The following ARHGAP42 variants were observed in gnomAD, a reference collection of about 807,000 sequenced individuals.
ARHGAP42 encodes Rho GTPase activating protein 42.
ARHGAP42 carries 63 observed loss-of-function variants against 125.0 expected under a neutral mutation model. The ratio of observed to expected loss-of-function variants is 0.50; its 90% confidence interval spans 0.41 to 0.62. The LOEUF is 0.62. ARHGAP42 is among the 20% of genes least tolerant of loss of function. ARHGAP42 has a pLI of 0.00. For missense variants in ARHGAP42, 766 were observed against 1,024.2 expected (o/e 0.75, Z 3.44); for synonymous variants, 339 against 351.0 (o/e 0.97, Z 0.38).
intron 3 of ARHGAP42, among the ~76,000 whole-genome samples, chr11:100,817,395 G>C (rs909518280): frequency 2.6e-5 from 4 of 152,094 alleles, no homozygotes; most frequent in African/African-American, 9.7e-5. Context: ...ATAATTAGTT[G>C]GGGGTACTTA....
intron 3 of ARHGAP42, among the ~76,000 whole-genome samples, chr11:100,810,209 T>A (rs1864103240): frequency 6.6e-6 from 1 of 151,848 alleles, no homozygotes; most frequent in African/African-American, 2.4e-5. Flanking sequence ...TAAAAAAAAA[T>A]ATAAAGATAG....
intron 1 of ARHGAP42, among the ~76,000 whole-genome samples, chr11:100,769,016 A>C (rs1365002797): frequency 6.6e-6 from 1 of 152,222 alleles, no homozygotes. Flanking sequence ...TGTATGGTCA[A>C]GTAGGCTATC....
intron 3 of ARHGAP42, among the ~76,000 whole-genome samples, chr11:100,812,188 C>G (rs1864162922): frequency 6.6e-6 from 1 of 152,130 alleles, no homozygotes; most frequent in South Asian, 2.1e-4. Flanking sequence ...ATATCTTTTG[C>G]TTAAAGACAC....
chr11:100,750,936 C>CTTT (rs762255065), intron 1 of ARHGAP42, among the ~76,000 whole-genome samples: 1 of 126,830 alleles, frequency 7.9e-6, no homozygotes, highest in African/African-American at 3.0e-5. Flanking sequence ...TTGATGTATA[C>CTTT]TTTTTTTTTT....
At chr11:100,759,381 C>T (rs1862652205) in intron 1 of ARHGAP42, among the ~76,000 whole-genome samples, 1 of 152,150 alleles carries the variant, frequency 6.6e-6, no homozygotes, top group African/African-American at 2.4e-5. Context: ...TCTAATTGCT[C>T]TCTGCCAATC....
At position 100,954,875 on chromosome 11, in the gene ARHGAP42, T is replaced by G. The variant is rs182643767; in HGVS notation, c.1162+4919T>G. On this transcript the variant is annotated intron_variant, in intron 12 of 23. Coordinates refer to ENST00000298815, the MANE Select transcript of ARHGAP42 (RefSeq NM_152432.4). ...TGTACTAATTTATTTTTTATTTATT[T>G]CAGTTAACATACAGCATGATATTAG... 8.6e-4 allele frequency among the ~76,000 whole-genome samples: 131 copies of G among 152,298 alleles called. 1 individual carries two copies. The highest frequency in any genetic ancestry group is 1.5e-4 in the Non-Finnish European group (10 of 68,016).
At chr11:100,897,336 T>A (rs184595819) in intron 4 of ARHGAP42, among the ~76,000 whole-genome samples, 13 of 152,322 alleles carry the variant, frequency 8.5e-5, no homozygotes, top group Non-Finnish European at 1.6e-4. Flanking sequence ...CTTTCTTGGT[T>A]CCATATGAAC....
At position 100,913,461 on chromosome 11, in the gene ARHGAP42, A is replaced by C. The variant is rs1866979492; in HGVS notation, c.394A>C (p.Lys132Gln). 1 of 1,282,642 alleles carries C rather than the reference A, an allele frequency of 7.8e-7. No homozygotes were observed. The allele number at this position is 1,282,642 out of a possible 1,614,324, so 79.5% of individuals were successfully genotyped here. A position where few individuals can be genotyped will look rare whatever the true frequency, so the allele number is the denominator to read the frequency against. The change falls in exon 5 of 24, where the codon AAG becomes CAG. Residue 132 changes from lysine to glutamine, a missense_variant. This residue lies in a region of ARHGAP42 where 455 missense variants were observed against 636.5 expected (regional missense o/e 0.71). Transcript: ENST00000298815. Reference sequence around the variant, plus strand: ...TATTGCTCTCCTTTAGGATGGAAAGAAGAAGTTTGACAAAGAGAGTGAAAA... The same window carrying C: ...TATTGCTCTCCTTTAGGATGGAAAGCAGAAGTTTGACAAAGAGAGTGAAAA... ...EQIGAAKDGK[K>Q]KFDKESEKYY...
At chr11:100,861,158 A>G (rs1045528157) in intron 4 of ARHGAP42, among the ~76,000 whole-genome samples, 1 of 152,234 alleles carries the variant, frequency 6.6e-6, no homozygotes, top group Non-Finnish European at 1.5e-5. Context: ...CTACGTCATG[A>G]GGAAGAAAAA....
chr11:100,698,421 T>C (rs865873710), intron 1 of ARHGAP42, among the ~76,000 whole-genome samples: 2 of 152,258 alleles, frequency 1.3e-5, no homozygotes, highest in Middle Eastern at 3.4e-3. Context: ...CAGTGAGCCA[T>C]GATCACGCCA....
chr11:100,875,101 CTCTCTCTGTG>C (rs1274500073), intron 4 of ARHGAP42, among the ~76,000 whole-genome samples: 7,134 of 91,060 alleles, frequency 0.078, 226 homozygotes, highest in East Asian at 0.32. Context: ...CTCTCTCTCT[CTCTCTCTGTG>C]TGTGTGTGTG....
chr11:100,846,018 G>A (rs542315453), intron 3 of ARHGAP42, among the ~76,000 whole-genome samples: 3 of 152,290 alleles, frequency 2.0e-5, no homozygotes, highest in Non-Finnish European at 4.4e-5. Context: ...TATTCTCCCT[G>A]CTGTATCCCC....
At chr11:100,712,046 C>T (rs1861573509) in intron 1 of ARHGAP42, among the ~76,000 whole-genome samples, 1 of 152,330 alleles carries the variant, frequency 6.6e-6, no homozygotes, top group African/African-American at 2.4e-5. Context: ...ATTTCGTGAT[C>T]TCAATTATGA....
chr11:100,929,929 G>A (rs890452259), intron 6 of ARHGAP42, among the ~76,000 whole-genome samples: 1 of 152,082 alleles, frequency 6.6e-6, no homozygotes, highest in Non-Finnish European at 1.5e-5. Context: ...TTTCTGTCTT[G>A]TAATGGGGTT....
At chr11:100,925,577 A>C (rs971195400) in intron 6 of ARHGAP42, among the ~76,000 whole-genome samples, 9 of 152,018 alleles carry the variant, frequency 5.9e-5, no homozygotes, top group African/African-American at 2.2e-4. Flanking sequence ...ATCTCTACTA[A>C]AAATACAAAA....
chr11:100,709,942 A>G (rs1344512306), intron 1 of ARHGAP42, among the ~76,000 whole-genome samples: 2 of 152,208 alleles, frequency 1.3e-5, no homozygotes, highest in African/African-American at 4.8e-5. Flanking sequence ...GAAGCCTGTG[A>G]TATACACACT....
rs891506076 is a variant in ARHGAP42, at chr11:100,836,947, T to G, written c.313-22607T>G. ...ATAACTGACTAGTTCCAGCAAAATA[T>G]TTTTGGTTTTGGAAGCATAGAAATA... On this transcript the variant is annotated intron_variant, in intron 3 of 23. Coordinates refer to ENST00000298815, the MANE Select transcript of ARHGAP42 (RefSeq NM_152432.4). Among the ~76,000 whole-genome samples, 9 of 152,020 alleles carry G rather than the reference T, an allele frequency of 5.9e-5. No individual in the cohort carries two copies. In the South Asian group the frequency reaches 1.7e-3, roughly 28 times the overall value.
intron 1 of ARHGAP42, among the ~76,000 whole-genome samples, chr11:100,763,985 T>C (rs1398740960): frequency 1.3e-5 from 2 of 151,372 alleles, no homozygotes; most frequent in Non-Finnish European, 2.9e-5. Flanking sequence ...TTCTTCCTCT[T>C]CCTTCTCCTC....
At chr11:100,980,504 A>G (rs957157122) in intron 22 of ARHGAP42, among the ~76,000 whole-genome samples, 1 of 150,896 alleles carries the variant, frequency 6.6e-6, no homozygotes, top group Non-Finnish European at 1.5e-5. Flanking sequence ...AAGCTATCAT[A>G]TAATAAAAAT....
Sources: gnomAD v4.1 joint callset for allele counts (sites outside exome capture counted in the v4.1 genomes callset) on GRCh38, gnomAD v4.1.1 for gene constraint, gnomAD v4.1.1 regional missense constraint, MANE v1.5 for transcripts, NCBI Gene and HGNC (gene_info 2026-07-23, HGNC 2026-07-21) for gene names.